Variants in NLRP14 observed in about 807,000 individuals in gnomAD.
The protein encoded by NLRP14 is NLR family pyrin domain containing 14, also known as NACHT, LRR and PYD domains-containing protein 14.
NLRP14 carries 105 observed loss-of-function variants against 94.7 expected under a neutral mutation model. The ratio of observed to expected loss-of-function variants is 1.11; its 90% CI spans 0.95 to 1.30. The LOEUF (loss-of-function observed/expected upper bound fraction) is 1.30, where lower values mean the gene tolerates loss of function less well. Among genes scored for constraint, NLRP14 ranks in the 50% most tolerant of loss-of-function variants. NLRP14 has a pLI of 0.00. For missense variants in NLRP14, 1,362 were observed against 1,254.1 expected (o/e 1.09, Z -1.30); for synonymous variants, 508 against 459.9 (o/e 1.10, Z -1.34).
At chr11:7,052,343 T>C (rs543079844) in intron 6 of NLRP14, among the ~76,000 whole-genome samples, 1 of 152,114 alleles carries the variant, frequency 6.6e-6, no homozygotes, top group Non-Finnish European at 1.5e-5. Flanking sequence ...ACTAGAATAG[T>C]TAGATAAGGC....
downstream of NLRP14, among the ~76,000 whole-genome samples, chr11:7,073,024 C>T (rs1852825216): frequency 6.6e-6 from 1 of 152,110 alleles, no homozygotes; most frequent in African/African-American, 2.4e-5. Flanking sequence ...CTCTCCTGCC[C>T]TGCTCTCATA....
downstream of NLRP14, among the ~76,000 whole-genome samples, chr11:7,073,580 G>A (rs895652282): frequency 6.6e-6 from 1 of 152,132 alleles, no homozygotes; most frequent in Non-Finnish European, 1.5e-5. Context: ...CAAGTTCCAG[G>A]TTGTGACCTG....
chr11:7,047,705 T>C (rs1852377067), intron 5 of NLRP14, among the ~76,000 whole-genome samples: 1 of 152,066 alleles, frequency 6.6e-6, no homozygotes, highest in African/African-American at 2.4e-5. Flanking sequence ...TTTGGAATCA[T>C]TTTGATTGAT....
intron 4 of NLRP14, among the ~76,000 whole-genome samples, chr11:7,046,237 T>A (rs1235979374): frequency 6.6e-6 from 1 of 152,312 alleles, no homozygotes; most frequent in African/African-American, 2.4e-5. Context: ...ATATGGCTAG[T>A]AAGTGGTAGA....
At position 7,021,813 on chromosome 11, in the gene NLRP14, A is replaced by G. The variant is rs532331624; in HGVS notation, c.-22+1043A>G. On this transcript the variant is annotated intron_variant, in intron 1 of 11. Coordinates refer to ENST00000299481, the MANE Select transcript of NLRP14 (RefSeq NM_176822.4). Reference sequence around the variant, plus strand: ...AAATACATTAAAAAGCAATGTATTTAAATAGCCGCAATTGATAGTTGAATT... The same window carrying G: ...AAATACATTAAAAAGCAATGTATTTGAATAGCCGCAATTGATAGTTGAATT... Among the ~76,000 whole-genome samples, 14 of 151,462 alleles carry G rather than the reference A, an allele frequency of 9.2e-5. No homozygotes were observed. In the South Asian group the frequency reaches 2.5e-3, roughly 27 times the overall value.
In NLRP14 at chr11:7,038,519, G is replaced by C; in HGVS notation, c.-21-47G>C. On this transcript the variant is annotated intron_variant, in intron 1 of 11. Coordinates refer to ENST00000299481, the MANE Select transcript of NLRP14 (RefSeq NM_176822.4). ...ATTTTCAAATCTGTCTTTTTCATGT[G>C]TCCCATTTATTCCATGTGCTTTTGG... 4 of 1,418,242 alleles carry C rather than the reference G, an allele frequency of 2.8e-6. No homozygotes were observed. The South Asian group carries it at 4.6e-5, about 16-fold the overall frequency. The allele number at this position is 1,418,242 out of a possible 1,614,324, so 87.9% of individuals were successfully genotyped here.
the NLRP14 span, among the ~76,000 whole-genome samples, chr11:7,081,900 G>C: frequency 2.0e-5 from 3 of 152,154 alleles, no homozygotes; most frequent in South Asian, 6.2e-4. Flanking sequence ...AAGTCAGGGT[G>C]GGAGGTAGGG....
chr11:7,063,360 C>T lies in NLRP14; in HGVS notation c.2975+857C>T, dbSNP rs368872474. 2.5e-3 allele frequency among the ~76,000 whole-genome samples: 378 copies of T among 152,106 alleles called. 2 individuals are homozygous for T. Among genetic ancestry groups the T allele is most frequent in the African/African-American group, 9.0e-3 (372 of 41,516 alleles). ...GCATGTTTGCGTCAGTTCCTTTTGT[C>T]CCCCGAGTCTCACAGGGCTGATGAA... On this transcript the variant is annotated intron_variant, in intron 10 of 11. Coordinates refer to ENST00000299481, the MANE Select transcript of NLRP14 (RefSeq NM_176822.4).
intron 4 of NLRP14, 98 bp downstream of exon 4, chr11:7,044,082 A>G: frequency 1.7e-6 from 2 of 1,175,788 alleles, no homozygotes; most frequent in Non-Finnish European, 2.5e-6. Context: ...CCCAGAGCTG[A>G]GATAACCCTC....
the NLRP14 span, among the ~76,000 whole-genome samples, chr11:7,083,732 A>G: frequency 6.6e-6 from 1 of 152,292 alleles, no homozygotes; most frequent in East Asian, 1.9e-4. Context: ...CATTTCATGG[A>G]CCCAGGTGGC....
the NLRP14 span, chr11:7,089,017 C>T: frequency 2.9e-6 from 4 of 1,380,092 alleles, no homozygotes; most frequent in East Asian, 2.5e-5. Context: ...GACTAGGCGC[C>T]GCCTGACCAG....
intron 1 of NLRP14, among the ~76,000 whole-genome samples, chr11:7,024,703 TA>T (rs1851990667): frequency 1.3e-5 from 2 of 152,314 alleles, no homozygotes; most frequent in South Asian, 4.1e-4. Context: ...TGTATTTTTA[TA>T]AATATCTCTA....
the NLRP14 span, chr11:7,090,840 T>G: frequency 5.9e-6 from 1 of 170,872 alleles, no homozygotes; most frequent in Non-Finnish European, 1.4e-5. Flanking sequence ...GATCAAATGT[T>G]TATGTAAAGA....
intron 3 of NLRP14, among the ~76,000 whole-genome samples, chr11:7,039,999 T>A (rs1000097050): frequency 1.3e-5 from 2 of 152,174 alleles, no homozygotes; most frequent in Non-Finnish European, 2.9e-5. Flanking sequence ...GAGAACAGTG[T>A]TTAGAATGCC....
At chr11:7,037,101 T>G (rs1304374611) in intron 1 of NLRP14, among the ~76,000 whole-genome samples, 2 of 152,224 alleles carry the variant, frequency 1.3e-5, no homozygotes, top group Non-Finnish European at 2.9e-5. Context: ...GAAGATGTAT[T>G]CTGTGCCTTG....
At chr11:7,080,727 A>G in the NLRP14 span, among the ~76,000 whole-genome samples, 1 of 152,212 alleles carries the variant, frequency 6.6e-6, no homozygotes, top group Non-Finnish European at 1.5e-5. Context: ...GCAAAATAAT[A>G]TTTATCACCA....
At chr11:7,032,218 A>G (rs1852109129) in intron 1 of NLRP14, among the ~76,000 whole-genome samples, 1 of 152,168 alleles carries the variant, frequency 6.6e-6, no homozygotes, top group African/African-American at 2.4e-5. Flanking sequence ...AATTATTTTA[A>G]GTACATTTTG....
chr11:7,022,180 T>A (rs1320093040), intron 1 of NLRP14, among the ~76,000 whole-genome samples: 1 of 152,132 alleles, frequency 6.6e-6, no homozygotes, highest in African/African-American at 2.4e-5. Context: ...GCATCTGCAT[T>A]TTTTATGACT....
chr11:7,053,470 TA>T (rs1279857889), intron 6 of NLRP14, among the ~76,000 whole-genome samples: 2 of 20,422 alleles, frequency 9.8e-5, no homozygotes, highest in Middle Eastern at 0.017. Flanking sequence ...TGATTTAAAT[TA>T]TATATATATA....
Sources: gnomAD v4.1 joint callset for allele counts (sites outside exome capture counted in the v4.1 genomes callset) on GRCh38, gnomAD v4.1.1 for gene constraint, MANE v1.5 for transcripts, NCBI Gene and HGNC (gene_info 2026-07-23, HGNC 2026-07-21) for gene names.